Variants in CCSER1 observed in about 807,000 individuals in gnomAD.
CCSER1 encodes coiled-coil serine rich protein 1, also known as serine-rich coiled-coil domain-containing protein 1.
CCSER1 carries 41 observed loss-of-function variants against 82.0 expected under a neutral mutation model. That is an observed-to-expected ratio of 0.50 (90% confidence interval 0.39 to 0.65). The LOEUF (loss-of-function observed/expected upper bound fraction) is 0.65. Among genes scored for constraint, CCSER1 ranks in the 30% least tolerant of loss-of-function variants. The probability of loss-of-function intolerance (pLI) is 0.00; values close to 1 mark genes in which losing one functional copy is unlikely to be tolerated. For missense variants in CCSER1, 1,119 were observed against 1,064.2 expected (o/e 1.05, Z -0.72); for synonymous variants, 414 against 383.9 (o/e 1.08, Z -0.92).
chr4:91,167,358 G>A (rs1163147409), intron 10 of CCSER1, among the ~76,000 whole-genome samples: 2 of 151,702 alleles, frequency 1.3e-5, no homozygotes, highest in African/African-American at 2.4e-5. Context: ...GCTAATTTTT[G>A]TATTTTCAGT....
Position 91,602,251 on chromosome 4 carries a change from T to A in CCSER1, c.*3194T>A, listed in dbSNP as rs1200176398. 6.6e-6 allele frequency among the ~76,000 whole-genome samples: 1 copy of A among 152,090 alleles called. No individual in the cohort carries two copies. The highest frequency in any genetic ancestry group is 1.9e-4 in the East Asian group (1 of 5,202). On this transcript the variant is annotated 3_prime_UTR_variant, in exon 11 of 11. Transcript: ENST00000509176. ...TGATTAATCTGGGTTTATGATTTAATCCTAACTCATTGTCATTATTTCCTG... is the reference window on the plus strand; with the variant it reads ...TGATTAATCTGGGTTTATGATTTAAACCTAACTCATTGTCATTATTTCCTG...
intron 10 of CCSER1, among the ~76,000 whole-genome samples, chr4:91,330,692 G>A (rs1334043152): frequency 1.3e-5 from 2 of 152,080 alleles, no homozygotes; most frequent in African/African-American, 2.4e-5. Flanking sequence ...AATTGCCCTG[G>A]AGAAGTAGTG....
intron 10 of CCSER1, among the ~76,000 whole-genome samples, chr4:91,582,626 T>C (rs1763787043): frequency 6.6e-6 from 1 of 151,560 alleles, no homozygotes; most frequent in South Asian, 2.1e-4. Flanking sequence ...TCATATTGAC[T>C]ATCTATTTAG....
chr4:90,497,963 T>G (rs1270671870), intron 5 of CCSER1, among the ~76,000 whole-genome samples: 2 of 151,580 alleles, frequency 1.3e-5, no homozygotes, highest in Non-Finnish European at 2.9e-5. Context: ...TTTTTTTTTT[T>G]GAGATGGAGT....
At chr4:90,492,825 A>T (rs555143696) in intron 5 of CCSER1, among the ~76,000 whole-genome samples, 2 of 152,098 alleles carry the variant, frequency 1.3e-5, no homozygotes, top group Non-Finnish European at 2.9e-5. Context: ...GTAGCTGAGC[A>T]GTTTTGAGTG....
chr4:91,432,137 G>A (rs1754365673), intron 10 of CCSER1, among the ~76,000 whole-genome samples: 1 of 152,080 alleles, frequency 6.6e-6, no homozygotes, highest in African/African-American at 2.4e-5. Context: ...TTGCTGCCTT[G>A]TAAAGAAGGT....
intron 10 of CCSER1, among the ~76,000 whole-genome samples, chr4:91,108,748 T>A (rs982341810): frequency 3.3e-5 from 5 of 152,224 alleles, no homozygotes; most frequent in Non-Finnish European, 7.3e-5. Flanking sequence ...AAACTGTTGC[T>A]TTCTCCTCTG....
intron 1 of CCSER1, among the ~76,000 whole-genome samples, chr4:90,156,396 G>T (rs567975753): frequency 6.6e-6 from 1 of 152,260 alleles, no homozygotes; most frequent in Admixed American, 6.5e-5. Flanking sequence ...GGTCCACTTC[G>T]TGCAGAGCTG....
intron 10 of CCSER1, among the ~76,000 whole-genome samples, chr4:91,132,284 G>C (rs1187328294): frequency 6.6e-6 from 1 of 152,022 alleles, no homozygotes; most frequent in African/African-American, 2.4e-5. Flanking sequence ...AATTAATTTA[G>C]GAAAGCAATA....
intron 10 of CCSER1, among the ~76,000 whole-genome samples, chr4:91,123,046 A>AT (rs1347495134): frequency 6.6e-6 from 1 of 151,750 alleles, no homozygotes; most frequent in Non-Finnish European, 1.5e-5. Context: ...GAACAGTGGG[A>AT]TAAAAATAGA....
chr4:91,414,639 A>T (rs951904037), intron 10 of CCSER1, among the ~76,000 whole-genome samples: 3 of 152,136 alleles, frequency 2.0e-5, no homozygotes, highest in African/African-American at 7.2e-5. Context: ...AGAATTTTAC[A>T]GTAGAAATCC....
intron 10 of CCSER1, among the ~76,000 whole-genome samples, chr4:91,523,956 A>G (rs948136070): frequency 5.9e-5 from 9 of 152,062 alleles, no homozygotes; most frequent in Non-Finnish European, 1.0e-4. Context: ...GAATGACAAA[A>G]TCACCTATAT....
At chr4:90,722,683 A>G (rs1008442011) in intron 6 of CCSER1, among the ~76,000 whole-genome samples, 4 of 151,864 alleles carry the variant, frequency 2.6e-5, no homozygotes, top group Admixed American at 2.0e-4. Context: ...GCCTTATATC[A>G]ATTTCCAAAA....
chr4:91,040,565 T>A (rs147986896), intron 9 of CCSER1, among the ~76,000 whole-genome samples: 3 of 151,942 alleles, frequency 2.0e-5, no homozygotes, highest in Non-Finnish European at 4.4e-5. Context: ...GAAGGGAGAG[T>A]CATAGATAAT....
intron 1 of CCSER1, among the ~76,000 whole-genome samples, chr4:90,304,506 G>A (rs1032701912): frequency 5.3e-5 from 8 of 152,170 alleles, no homozygotes; most frequent in African/African-American, 1.7e-4. Context: ...TAGGGACACG[G>A]ATGAAATTGG....
At chr4:90,313,546 A>G (rs1457228217) in intron 3 of CCSER1, among the ~76,000 whole-genome samples, 2 of 152,118 alleles carry the variant, frequency 1.3e-5, no homozygotes, top group African/African-American at 2.4e-5. Context: ...TGCCCATCCA[A>G]TGCTTGCATA....
chr4:90,352,820 G>C (rs1422868306), intron 3 of CCSER1, among the ~76,000 whole-genome samples: 1 of 152,094 alleles, frequency 6.6e-6, no homozygotes, highest in East Asian at 1.9e-4. Flanking sequence ...ATGTTGTTAA[G>C]GCACTTAGTA....
chr4:90,302,907 G>A, intron 1 of CCSER1, among the ~76,000 whole-genome samples: 1 of 152,142 alleles, frequency 6.6e-6, no homozygotes, highest in Non-Finnish European at 1.5e-5. Flanking sequence ...CATGAAGTGT[G>A]ACGAGAGGAC....
chr4:90,201,455 A>G (rs1737686238), intron 1 of CCSER1, among the ~76,000 whole-genome samples: 1 of 151,590 alleles, frequency 6.6e-6, no homozygotes, highest in South Asian at 2.1e-4. Context: ...CACATGTGTG[A>G]TTTTGTTATC....
Sources: allele counts gnomAD v4.1 joint callset (sites outside exome capture counted in the v4.1 genomes callset), GRCh38; gene constraint gnomAD v4.1.1; transcripts MANE v1.5; gene names NCBI Gene and HGNC (gene_info 2026-07-23, HGNC 2026-07-21).